GAB1: variants seen among roughly 807,000 people sequenced by gnomAD.
The protein encoded by GAB1 is GRB2-associated-binding protein 1.
Under a neutral mutation model 66.5 loss-of-function variants are expected in GAB1, and 19 were observed. The observed-to-expected ratio is 0.29, with a 90% CI of 0.20 to 0.42. The LOEUF (loss-of-function observed/expected upper bound fraction) is 0.42, where lower values mean the gene tolerates loss of function less well. GAB1 is among the 10% of genes least tolerant of loss of function. The probability of loss-of-function intolerance (pLI) is 1.00; values close to 1 mark genes in which losing one functional copy is unlikely to be tolerated. For missense variants in GAB1, 732 were observed against 858.5 expected (o/e 0.85, Z 1.84); for synonymous variants, 294 against 301.4 (o/e 0.98, Z 0.25).
chr4:143,355,385 C>T (rs1488825118), intron 1 of GAB1, among the ~76,000 whole-genome samples: 1 of 152,110 alleles, frequency 6.6e-6, no homozygotes, highest in Admixed American at 6.6e-5. Flanking sequence ...AGCAGTTCAT[C>T]CCAATTGCTG....
intron 2 of GAB1, among the ~76,000 whole-genome samples, chr4:143,432,511 G>A (rs988510967): frequency 1.3e-5 from 2 of 152,060 alleles, no homozygotes; most frequent in African/African-American, 4.8e-5. Flanking sequence ...AGCGAGATGG[G>A]GTCTTTCTAA....
At chr4:143,414,673 TA>T (rs951869619) in intron 1 of GAB1, among the ~76,000 whole-genome samples, 2 of 151,444 alleles carry the variant, frequency 1.3e-5, no homozygotes, top group African/African-American at 2.4e-5. Context: ...CCACCGCACC[TA>T]AAAAAAAGAG....
chr4:143,407,888 G>A lies in GAB1; in HGVS notation c.73-7589G>A, dbSNP rs541720805. On this transcript the variant is annotated intron_variant, in intron 1 of 9. Coordinates refer to ENST00000262994, the MANE Select transcript of GAB1 (RefSeq NM_002039.4). ...TAGTATTATGGAAATATTTTTAATA[G>A]GCAAAGTAATTCCTAAAGTGCTTAT... 3.5e-4 allele frequency among the ~76,000 whole-genome samples: 53 copies of A among 152,080 alleles called. 1 individual carries two copies. In the Middle Eastern group the frequency reaches 0.01, roughly 29 times the overall value.
At chr4:143,456,123 T>A (rs990955831) in intron 6 of GAB1, among the ~76,000 whole-genome samples, 3 of 152,008 alleles carry the variant, frequency 2.0e-5, no homozygotes, top group Admixed American at 6.5e-5. Flanking sequence ...CTGCCTCTTA[T>A]TTTTTTTGAA....
At chr4:143,347,246 GA>G (rs1438301487) in intron 1 of GAB1, among the ~76,000 whole-genome samples, 1 of 152,110 alleles carries the variant, frequency 6.6e-6, no homozygotes, top group Non-Finnish European at 1.5e-5. Context: ...GTAGAATTTT[GA>G]GCCTAAAATT....
At chr4:143,447,233 C>G (rs1183629953) in intron 6 of GAB1, among the ~76,000 whole-genome samples, 4 of 152,078 alleles carry the variant, frequency 2.6e-5, no homozygotes, top group Non-Finnish European at 5.9e-5. Flanking sequence ...TAGTGTGATG[C>G]CTCCAGCTTT....
Position 143,471,125 on chromosome 4 carries a change from AAC to A in GAB1, c.*1940_*1941del, listed in dbSNP as rs1230549922. 1.3e-5 allele frequency: 2 copies of A among 152,208 alleles called. No homozygotes were observed. The highest frequency in any genetic ancestry group is 4.8e-5 in the African/African-American group (2 of 41,462). 9.4% of individuals were successfully genotyped at this position (152,208 alleles called of 1,614,324 possible). ...GAGGATGAATATATTTAAGATTTAA[AAC>A]ACAATAATAAATACATGATTAATTC... On this transcript the variant is annotated 3_prime_UTR_variant, in exon 10 of 10. Transcript: ENST00000262994.
chr4:143,456,889 CT>C (rs869187524), intron 6 of GAB1, among the ~76,000 whole-genome samples: 2 of 152,102 alleles, frequency 1.3e-5, no homozygotes. Context: ...GAAGGATGCC[CT>C]TTCATAGGCT....
chr4:143,369,922 G>T (rs1201245183), intron 1 of GAB1, among the ~76,000 whole-genome samples: 1 of 152,202 alleles, frequency 6.6e-6, no homozygotes, highest in East Asian at 1.9e-4. Context: ...TAAAATTAAT[G>T]AATAAGAGTT....
At chr4:143,379,235 A>G (rs938806164) in intron 1 of GAB1, among the ~76,000 whole-genome samples, 4 of 152,244 alleles carry the variant, frequency 2.6e-5, no homozygotes, top group Non-Finnish European at 4.4e-5. Context: ...TGTCAAATGT[A>G]TAAAATTCAG....
chr4:143,349,165 C>CA (rs1729091492), intron 1 of GAB1: 2 of 449,376 alleles, frequency 4.5e-6, no homozygotes, highest in South Asian at 7.6e-5. Context: ...TAGGTCCCCC[C>CA]CTTCCTAGAT....
intron 2 of GAB1, 59 bp downstream of exon 2, chr4:143,415,830 A>G: frequency 8.1e-7 from 1 of 1,242,176 alleles, no homozygotes; most frequent in Non-Finnish European, 1.1e-6. Flanking sequence ...ATTTCCAGAA[A>G]TGTCATACAA....
chr4:143,453,065 G>T (rs17017801), intron 6 of GAB1, among the ~76,000 whole-genome samples: 63,729 of 151,912 alleles, frequency 0.42, 15,267 homozygotes, highest in African/African-American at 0.66. Flanking sequence ...GTTTCTTTCC[G>T]CTTAAGTAAT....
At chr4:143,373,988 C>G (rs1730301611) in intron 1 of GAB1, among the ~76,000 whole-genome samples, 1 of 150,970 alleles carries the variant, frequency 6.6e-6, no homozygotes, top group South Asian at 2.1e-4. Context: ...TTTTAATTTG[C>G]AAGCTCCATG....
intron 1 of GAB1, among the ~76,000 whole-genome samples, chr4:143,400,693 C>G (rs529276480): frequency 1.3e-5 from 2 of 152,096 alleles, no homozygotes; most frequent in East Asian, 3.8e-4. Flanking sequence ...CTTGGCTGGG[C>G]GCGATGGCTC....
At chr4:143,347,122 G>A (rs758546574) in intron 1 of GAB1, among the ~76,000 whole-genome samples, 1 of 152,056 alleles carries the variant, frequency 6.6e-6, no homozygotes, top group African/African-American at 2.4e-5. Context: ...ATCATTCTTC[G>A]GTGTTTGTAA....
At chr4:143,431,173 G>T (rs1004260525) in intron 2 of GAB1, among the ~76,000 whole-genome samples, 1 of 152,110 alleles carries the variant, frequency 6.6e-6, no homozygotes, top group Non-Finnish European at 1.5e-5. Flanking sequence ...CCAACCTCCG[G>T]GTTGAGCCCA....
chr4:143,465,999 T>C, intron 8 of GAB1, 104 bp from the exon 9 acceptor site: 2 of 1,253,208 alleles, frequency 1.6e-6, no homozygotes, highest in East Asian at 2.4e-5. Context: ...TTTTAAGCTA[T>C]GTCCTCTTGA....
intron 6 of GAB1, among the ~76,000 whole-genome samples, chr4:143,450,616 C>A (rs1050490026): frequency 6.6e-6 from 1 of 152,128 alleles, no homozygotes; most frequent in Non-Finnish European, 1.5e-5. Context: ...AATGGCTGGG[C>A]ACAGTGGCTC....
Sources: gnomAD v4.1 joint callset for allele counts (sites outside exome capture counted in the v4.1 genomes callset) on GRCh38, gnomAD v4.1.1 for gene constraint, MANE v1.5 for transcripts, NCBI Gene and HGNC (gene_info 2026-07-23, HGNC 2026-07-21) for gene names.